Variants in GPC6 observed in about 807,000 individuals in gnomAD.
GPC6 encodes the protein glypican 6, also known as glypican-6.
In GPC6, 14 loss-of-function variants were observed where a neutral mutation model predicts 55.2. That is an observed-to-expected ratio of 0.25 (90% CI 0.17 to 0.40). The LOEUF (loss-of-function observed/expected upper bound fraction) is 0.40, where lower values mean the gene tolerates loss of function less well. GPC6 is among the 10% of genes least tolerant of loss of function. The pLI is 1.00. For synonymous variants in GPC6, 278 were observed against 259.6 expected, an observed-to-expected ratio of 1.07 and a Z score of -0.68; for missense variants, 641 against 708.5, an observed-to-expected ratio of 0.90 and a Z score of 1.08.
intron 1 of GPC6, among the ~76,000 whole-genome samples, chr13:93,396,265 C>A (rs1875850697): frequency 6.6e-6 from 1 of 152,114 alleles, no homozygotes; most frequent in African/African-American, 2.4e-5. Context: ...TCACTATTAA[C>A]CTTTTAATAA....
intron 6 of GPC6, among the ~76,000 whole-genome samples, chr13:94,371,843 C>T (rs560514350): frequency 6.6e-6 from 1 of 152,298 alleles, no homozygotes; most frequent in African/African-American, 2.4e-5. Context: ...GACACATTAT[C>T]CCTAAGTATC....
chr13:93,912,579 TA>T, intron 3 of GPC6, among the ~76,000 whole-genome samples: 1 of 152,032 alleles, frequency 6.6e-6, no homozygotes, highest in Non-Finnish European at 1.5e-5. Context: ...CCATCTCTAC[TA>T]AAAATACAAA....
At chr13:93,614,650 CA>C (rs1487979274) in intron 2 of GPC6, among the ~76,000 whole-genome samples, 4 of 152,096 alleles carry the variant, frequency 2.6e-5, no homozygotes, top group African/African-American at 9.7e-5. Context: ...ATAGTATTAT[CA>C]ATCCCCCTAT....
chr13:93,720,862 G>A (rs780641573), intron 2 of GPC6, among the ~76,000 whole-genome samples: 1 of 152,010 alleles, frequency 6.6e-6, no homozygotes, highest in Non-Finnish European at 1.5e-5. Flanking sequence ...CAGTTTCCAT[G>A]TAGCTGTGCA....
intron 3 of GPC6, among the ~76,000 whole-genome samples, chr13:93,944,218 T>A (rs188563812): frequency 4.9e-5 from 7 of 143,508 alleles, no homozygotes; most frequent in African/African-American, 1.8e-4. Context: ...TTATTTATTT[T>A]TTCCTGACGG....
intron 1 of GPC6, among the ~76,000 whole-genome samples, chr13:93,345,448 C>T (rs891842649): frequency 6.6e-6 from 1 of 151,816 alleles, no homozygotes; most frequent in African/African-American, 2.4e-5. Context: ...CTATCTGCAT[C>T]CCGAGTAAAC....
Position 93,830,272 on chromosome 13 carries a change from G to C in GPC6, c.438G>C (p.Leu146=). The C allele has an allele frequency of 6.2e-7, 1 of 1,613,636 alleles. No homozygotes were observed. Among genetic ancestry groups the C allele is most frequent in the Non-Finnish European group, 8.5e-7 (1 of 1,179,676 alleles). The change falls in exon 3 of 9, where the codon CTG becomes CTC. Residue 146 remains leucine, a synonymous_variant. Transcript: ENST00000377047. ...SEVFQDLFTE[L]KRYYTGGNVN... is the part of the protein sequence containing the mutation. Reference sequence around the variant, plus strand: ...TCTTCCAGGACCTCTTCACAGAGCTGAAAAGGTACTACACTGGGGGTAATG... The same window carrying C: ...TCTTCCAGGACCTCTTCACAGAGCTCAAAAGGTACTACACTGGGGGTAATG...
At chr13:93,717,506 A>G (rs7331448) in intron 2 of GPC6, among the ~76,000 whole-genome samples, 13,581 of 151,686 alleles carry the variant, frequency 0.09, 982 homozygotes, top group African/African-American at 0.2. Flanking sequence ...ATATATGTGG[A>G]TAAAAATGGC....
intron 4 of GPC6, among the ~76,000 whole-genome samples, chr13:94,231,875 C>T (rs1200403995): frequency 6.6e-6 from 1 of 151,880 alleles, no homozygotes; most frequent in Non-Finnish European, 1.5e-5. Context: ...ACTGAAGCTT[C>T]GTTTTAATAA....
chr13:93,246,646 A>G (rs1223763491), intron 1 of GPC6, among the ~76,000 whole-genome samples: 4 of 151,908 alleles, frequency 2.6e-5, no homozygotes, highest in Non-Finnish European at 5.9e-5. Flanking sequence ...AAATACAAAA[A>G]AATTAGCCGG....
chr13:94,393,557 G>A (rs1004478929), intron 7 of GPC6, among the ~76,000 whole-genome samples: 6 of 152,164 alleles, frequency 3.9e-5, no homozygotes, highest in African/African-American at 1.4e-4. Context: ...TACTGAAATT[G>A]CTTTCGCTTT....
At chr13:93,848,641 C>T (rs1260704578) in intron 3 of GPC6, among the ~76,000 whole-genome samples, 6 of 152,066 alleles carry the variant, frequency 3.9e-5, no homozygotes, top group African/African-American at 1.4e-4. Context: ...TAGGCATGGA[C>T]TTTAAATGTC....
chr13:93,880,278 C>T (rs199865444), intron 3 of GPC6, among the ~76,000 whole-genome samples: 99 of 151,844 alleles, frequency 6.5e-4, no homozygotes, highest in East Asian at 4.1e-3. Flanking sequence ...ATGTTTATTG[C>T]GGCATTATTC....
chr13:93,444,006 A>ATTTATTCTCTATTTAT (rs1877902475), intron 1 of GPC6, among the ~76,000 whole-genome samples: 2 of 152,276 alleles, frequency 1.3e-5, no homozygotes, highest in Admixed American at 6.5e-5. Flanking sequence ...TTTTTATTCC[A>ATTTATTCTCTATTTAT]TGACCATAGA....
intron 4 of GPC6, among the ~76,000 whole-genome samples, chr13:94,254,677 G>GA (rs138434877): frequency 2.7e-4 from 41 of 150,052 alleles, no homozygotes; most frequent in Admixed American, 1.1e-3. Context: ...TTTTACTAAA[G>GA]AAAAAAAAAC....
intron 1 of GPC6, among the ~76,000 whole-genome samples, chr13:93,446,637 T>C (rs887696894): frequency 1.4e-4 from 22 of 152,188 alleles, no homozygotes; most frequent in African/African-American, 4.8e-4. Flanking sequence ...TTATTTTGTC[T>C]GTAGTAGTAT....
chr13:94,057,941 A>C (rs1884185609), intron 4 of GPC6, among the ~76,000 whole-genome samples: 1 of 152,158 alleles, frequency 6.6e-6, no homozygotes, highest in African/African-American at 2.4e-5. Context: ...TCATAACTGT[A>C]CTCATTATCT....
At chr13:93,295,290 C>CAAAAAAAAAAAAAAAAAAAAAAAAAAAA (rs67379652) in intron 1 of GPC6, among the ~76,000 whole-genome samples, 2 of 66,686 alleles carry the variant, frequency 3.0e-5, no homozygotes, top group African/African-American at 1.5e-4. Flanking sequence ...GACCCTGTCT[C>CAAAAAAAAAAAAAAAAAAAAAAAAAAAA]AAAAAAAAAA....
intron 2 of GPC6, among the ~76,000 whole-genome samples, chr13:93,592,890 T>C (rs1156646510): frequency 7.0e-6 from 1 of 142,656 alleles, no homozygotes; most frequent in Non-Finnish European, 1.5e-5. Context: ...TAAAGAATAA[T>C]TAAAGTTTAA....
Sources: allele counts gnomAD v4.1 joint callset (sites outside exome capture counted in the v4.1 genomes callset), GRCh38; gene constraint gnomAD v4.1.1; transcripts MANE v1.5; gene names NCBI Gene and HGNC (gene_info 2026-07-23, HGNC 2026-07-21).